Variants in GRIK2 observed in about 807,000 individuals in gnomAD.
The protein encoded by GRIK2 is glutamate ionotropic receptor kainate type subunit 2.
A neutral mutation model predicts 100.3 loss-of-function variants in GRIK2; 32 were observed. The ratio of observed to expected loss-of-function variants is 0.32; its 90% CI spans 0.24 to 0.43. GRIK2 has a LOEUF of 0.43. GRIK2 is among the 20% of genes least tolerant of loss of function. The pLI is 1.00. For missense variants in GRIK2, 843 were observed against 1,114.9 expected (o/e 0.76, Z 3.47); for synonymous variants, 417 against 389.4 (o/e 1.07, Z -0.83).
intron 9 of GRIK2, among the ~76,000 whole-genome samples, chr6:101,813,681 C>T (rs983488040): frequency 2.0e-5 from 3 of 151,846 alleles, no homozygotes; most frequent in Non-Finnish European, 2.9e-5. Context: ...TAACTAAAAC[C>T]GGCTGGGCAC....
chr6:101,559,927 C>T (rs568538381), intron 2 of GRIK2, among the ~76,000 whole-genome samples: 23 of 152,124 alleles, frequency 1.5e-4, no homozygotes, highest in African/African-American at 4.3e-4. Flanking sequence ...TTTTTGAGAT[C>T]CTATAGCAGA....
intron 2 of GRIK2, among the ~76,000 whole-genome samples, chr6:101,517,992 T>C (rs924050890): frequency 3.3e-5 from 5 of 152,168 alleles, no homozygotes; most frequent in African/African-American, 7.2e-5. Flanking sequence ...ACCATACCAT[T>C]ATGTGAATAA....
intron 7 of GRIK2, among the ~76,000 whole-genome samples, chr6:101,693,105 T>C (rs916175329): frequency 1.5e-4 from 23 of 152,166 alleles, no homozygotes; most frequent in African/African-American, 4.8e-4. Flanking sequence ...TTGCCTTTTC[T>C]CATCCACAGA....
chr6:101,670,090 T>C (rs898800057), intron 4 of GRIK2, among the ~76,000 whole-genome samples: 1 of 152,116 alleles, frequency 6.6e-6, no homozygotes, highest in Admixed American at 6.6e-5. Flanking sequence ...GTAAGCCATT[T>C]TTTTTAAAAC....
At chr6:101,435,079 C>A (rs1285331247) in intron 2 of GRIK2, among the ~76,000 whole-genome samples, 1 of 152,132 alleles carries the variant, frequency 6.6e-6, no homozygotes, top group African/African-American at 2.4e-5. Context: ...CCATTGACTC[C>A]ATTTTTCCTT....
intron 14 of GRIK2, among the ~76,000 whole-genome samples, chr6:101,955,633 C>T (rs1439364968): frequency 3.1e-5 from 4 of 127,928 alleles, no homozygotes; most frequent in Non-Finnish European, 6.6e-5. Context: ...ATTTCTTTTA[C>T]AGTCAGATTT....
intron 2 of GRIK2, among the ~76,000 whole-genome samples, chr6:101,401,742 A>G (rs1040505655): frequency 1.4e-4 from 22 of 152,210 alleles, no homozygotes; most frequent in African/African-American, 4.8e-4. Context: ...GAGCACGTAT[A>G]AGCCACTCTT....
At chr6:101,814,578 A>G (rs75735813) in intron 9 of GRIK2, among the ~76,000 whole-genome samples, 21 of 152,272 alleles carry the variant, frequency 1.4e-4, no homozygotes, top group Non-Finnish European at 2.9e-4. Context: ...GGAAACTACC[A>G]TGAACTGTAA....
intron 2 of GRIK2, among the ~76,000 whole-genome samples, chr6:101,457,842 A>G (rs1582494702): frequency 6.6e-6 from 1 of 152,160 alleles, no homozygotes; most frequent in East Asian, 1.9e-4. Context: ...TCCTGTGGCT[A>G]CTACTCTGAA....
rs201947494 is a variant in GRIK2, at chr6:101,818,327, G to A, written c.1204-43G>A. On this transcript the variant is annotated intron_variant, in intron 9 of 16. Coordinates refer to ENST00000369134, the MANE Select transcript of GRIK2 (RefSeq NM_021956.5). ...TTTCTTTTGCAGTACTCTCTACCAC[G>A]TGCCTGATGGACAATTTACAAAGTA... is the stretch of plus-strand genomic sequence containing the variant. 31 of 1,075,892 alleles carry A rather than the reference G, an allele frequency of 2.9e-5. No individual in the cohort carries two copies. The East Asian group carries it at 3.4e-4, about 12-fold the overall frequency. The allele number at this position is 1,075,892 out of a possible 1,614,324, so 66.6% of individuals were successfully genotyped here. A position where few individuals can be genotyped will look rare whatever the true frequency, so the allele number is the denominator to read the frequency against.
intron 15 of GRIK2, among the ~76,000 whole-genome samples, chr6:102,050,407 A>C (rs970806745): frequency 3.3e-5 from 5 of 152,024 alleles, no homozygotes; most frequent in African/African-American, 1.2e-4. Flanking sequence ...TAATCCCAGC[A>C]CTTTGGGAGG....
At chr6:101,836,497 T>C (rs1266201269) in intron 10 of GRIK2, among the ~76,000 whole-genome samples, 1 of 151,194 alleles carries the variant, frequency 6.6e-6, no homozygotes, top group Non-Finnish European at 1.5e-5. Flanking sequence ...TATTTTGATA[T>C]ATTAGGTTAA....
chr6:101,487,789 G>T (rs1341680409), intron 2 of GRIK2, among the ~76,000 whole-genome samples: 1 of 146,296 alleles, frequency 6.8e-6, no homozygotes, highest in Non-Finnish European at 1.5e-5. Flanking sequence ...AATTTAAAAA[G>T]ATCAAACTAT....
intron 4 of GRIK2, among the ~76,000 whole-genome samples, chr6:101,660,190 A>G (rs1012743340): frequency 6.6e-6 from 1 of 151,592 alleles, no homozygotes; most frequent in African/African-American, 2.4e-5. Flanking sequence ...TTTTTTCTCT[A>G]ATCTTGTCTT....
At chr6:101,650,534 A>T (rs1164483151) in intron 4 of GRIK2, among the ~76,000 whole-genome samples, 1 of 152,134 alleles carries the variant, frequency 6.6e-6, no homozygotes, top group Non-Finnish European at 1.5e-5. Context: ...AGTGAGGTGC[A>T]TTAGCAGAAA....
At chr6:101,998,811 T>TC (rs1026146589) in intron 14 of GRIK2, among the ~76,000 whole-genome samples, 1 of 134,114 alleles carries the variant, frequency 7.5e-6, no homozygotes, top group Non-Finnish European at 1.6e-5. Flanking sequence ...TTTTTTCTTT[T>TC]CTTTTTTTTT....
chr6:101,826,667 T>C (rs1782352671), intron 10 of GRIK2, among the ~76,000 whole-genome samples: 1 of 152,046 alleles, frequency 6.6e-6, no homozygotes, highest in African/African-American at 2.4e-5. Flanking sequence ...TTCAGCTTTT[T>C]CTTTCTTACT....
intron 2 of GRIK2, among the ~76,000 whole-genome samples, chr6:101,436,948 A>G (rs1417470349): frequency 6.6e-6 from 1 of 151,356 alleles, no homozygotes; most frequent in African/African-American, 2.4e-5. Flanking sequence ...TCATATTTAA[A>G]GTAGAGATCT....
At chr6:101,992,889 T>A (rs1794448747) in intron 14 of GRIK2, among the ~76,000 whole-genome samples, 2 of 151,586 alleles carry the variant, frequency 1.3e-5, no homozygotes, top group Non-Finnish European at 3.0e-5. Flanking sequence ...ATTTTAAATG[T>A]GTGCAGATTT....
Sources: allele counts gnomAD v4.1 joint callset (sites outside exome capture counted in the v4.1 genomes callset), GRCh38; gene constraint gnomAD v4.1.1; transcripts MANE v1.5; gene names NCBI Gene and HGNC (gene_info 2026-07-23, HGNC 2026-07-21).